DAB2: variants seen among roughly 807,000 people sequenced by gnomAD.
The protein encoded by DAB2 is disabled homolog 2.
In DAB2, 28 loss-of-function variants were observed where a neutral mutation model predicts 71.6. The observed-to-expected ratio is 0.39, with a 90% CI of 0.29 to 0.54. The LOEUF is 0.54. DAB2 is among the 20% of genes least tolerant of loss of function. The pLI is 0.68. For missense variants in DAB2, 867 were observed against 928.8 expected (o/e 0.93, Z 0.86); for synonymous variants, 345 against 339.7 (o/e 1.02, Z -0.17).
Position 39,376,636 on chromosome 5 carries a change from G to A in DAB2, c.2137+14C>T. 6.2e-7 allele frequency: 1 copy of A among 1,611,630 alleles called. No homozygotes were observed. The highest frequency in any genetic ancestry group is 8.5e-7 in the Non-Finnish European group (1 of 1,178,826). On this transcript the variant is annotated intron_variant, in intron 12 of 14. Transcript: ENST00000320816. ...TAGTTGTTGGAACAGTAGGCAGAGTGGTGAGTGGCTTACCATTGATCTTGT... is the reference window on the plus strand; with the variant it reads ...TAGTTGTTGGAACAGTAGGCAGAGTAGTGAGTGGCTTACCATTGATCTTGT...
In DAB2 at chr5:39,372,018, C is replaced by A. The variant is rs1579894135; in HGVS notation, c.*1413G>T. On this transcript the variant is annotated 3_prime_UTR_variant, in exon 15 of 15. Transcript: ENST00000320816. ...GCCCCTGTCTTGTTTAGCTTCTGAG[C>A]ATCACCCTCTTCTTCCCCCTCAAGG... The A allele has an allele frequency of 6.6e-6, 1 of 152,296 alleles. No individual in the cohort carries two copies. The highest frequency in any genetic ancestry group is 1.9e-4 in the East Asian group (1 of 5,190). The allele number at this position is 152,296 out of a possible 1,614,324, so 9.4% of individuals were successfully genotyped here. A position where few individuals can be genotyped will look rare whatever the true frequency, so the allele number is the denominator to read the frequency against.
intron 14 of DAB2, among the ~76,000 whole-genome samples, chr5:39,374,224 G>T (rs1163311639): frequency 6.6e-6 from 1 of 151,748 alleles, no homozygotes; most frequent in Non-Finnish European, 1.5e-5. Flanking sequence ...TGTTGTTGTT[G>T]TTTTTCATTA....
intron 1 of DAB2, among the ~76,000 whole-genome samples, chr5:39,418,761 C>A (rs1755906759): frequency 6.6e-6 from 1 of 152,126 alleles, no homozygotes; most frequent in Non-Finnish European, 1.5e-5. Context: ...ATTTAGCTTG[C>A]CTGATACTCA....
At chr5:39,413,729 A>G (rs1755782619) in intron 1 of DAB2, among the ~76,000 whole-genome samples, 1 of 152,212 alleles carries the variant, frequency 6.6e-6, no homozygotes, top group Admixed American at 6.5e-5. Context: ...CTTCTTATAC[A>G]TTTAGAATAA....
At chr5:39,401,020 G>T (rs546940874) in intron 1 of DAB2, among the ~76,000 whole-genome samples, 1 of 152,286 alleles carries the variant, frequency 6.6e-6, no homozygotes, top group Admixed American at 6.5e-5. Context: ...AAGAATAGGG[G>T]TCATTACCAG....
At chr5:39,383,992 C>A (rs879724408) in intron 9 of DAB2, among the ~76,000 whole-genome samples, 1 of 152,180 alleles carries the variant, frequency 6.6e-6, no homozygotes, top group Non-Finnish European at 1.5e-5. Flanking sequence ...CCCAGTCTCT[C>A]CTCTGGGCTT....
intron 1 of DAB2, among the ~76,000 whole-genome samples, chr5:39,395,114 ACCTCTGC>A (rs1755327933): frequency 6.6e-6 from 1 of 152,150 alleles, no homozygotes; most frequent in African/African-American, 2.4e-5. Flanking sequence ...TGCTCTCACA[ACCTCTGC>A]CCTACCCACA....
At chr5:39,408,059 T>C (rs1005722553) in intron 1 of DAB2, among the ~76,000 whole-genome samples, 1 of 152,230 alleles carries the variant, frequency 6.6e-6, no homozygotes, top group Non-Finnish European at 1.5e-5. Flanking sequence ...CCCATATTTA[T>C]ATAATCCTCA....
intron 3 of DAB2, 51 bp downstream of exon 3, chr5:39,393,203 T>C: frequency 2.6e-6 from 4 of 1,566,306 alleles, no homozygotes; most frequent in Non-Finnish European, 3.5e-6. Flanking sequence ...TATAATTCCC[T>C]CTCTTGGACT....
intron 1 of DAB2, 136 bp from the exon 2 acceptor site, chr5:39,394,557 C>G: frequency 2.0e-6 from 1 of 502,824 alleles, no homozygotes; most frequent in East Asian, 3.2e-5. Context: ...CTGTATTAGA[C>G]TGAAGACTGA....
chr5:39,389,574 C>T (rs1176877087), intron 6 of DAB2, among the ~76,000 whole-genome samples: 1 of 152,034 alleles, frequency 6.6e-6, no homozygotes, highest in Non-Finnish European at 1.5e-5. Context: ...GCAGTGGCAC[C>T]ATCTCGGCTG....
At chr5:39,386,065 C>T (rs1406206855) in intron 9 of DAB2, among the ~76,000 whole-genome samples, 1 of 152,200 alleles carries the variant, frequency 6.6e-6, no homozygotes, top group African/African-American at 2.4e-5. Flanking sequence ...ATTTAATCTC[C>T]TTGATCACAG....
chr5:39,414,641 C>T (rs1755807251), intron 1 of DAB2, among the ~76,000 whole-genome samples: 1 of 151,368 alleles, frequency 6.6e-6, no homozygotes, highest in East Asian at 1.9e-4. Context: ...CTGCCTTCCT[C>T]AGGCCCTGAG....
rs901530306 is a variant in DAB2, at chr5:39,382,970, G to A, written c.989C>T (p.Pro330Leu). The A allele has an allele frequency of 4.5e-5, 73 of 1,613,968 alleles. No homozygotes were observed. The highest frequency in any genetic ancestry group is 1.6e-4 in the Middle Eastern group (1 of 6,084). The part of the protein sequence containing the change: ...KKENSSSSST[P>L]LSNGPLNGDV... ...ACCATTCAGGGGCCCATTACTCAGCGGAGTAGACGAGCTACTCGAATTCTC... is the reference window on the plus strand; with the variant it reads ...ACCATTCAGGGGCCCATTACTCAGCAGAGTAGACGAGCTACTCGAATTCTC... The change falls in exon 10 of 15, where the codon CCG (proline) becomes CTG (leucine). Residue 330 changes from proline to leucine, a missense_variant. Pro to Leu is a moderately conservative substitution (Grantham distance 98, BLOSUM62 -3). This residue lies in a region of DAB2 where 740 missense variants were observed against 734.3 expected (regional missense o/e 1.01). Transcript: ENST00000320816.
chr5:39,423,075 T>C (rs183000088), intron 1 of DAB2, among the ~76,000 whole-genome samples: 66 of 152,320 alleles, frequency 4.3e-4, no homozygotes, highest in African/African-American at 1.6e-3. Context: ...CTACTTATTC[T>C]GGTTATACAT....
intron 5 of DAB2, 114 bp from the exon 6 acceptor site, chr5:39,390,046 A>G (rs942795486): frequency 1.5e-5 from 11 of 744,856 alleles, no homozygotes; most frequent in African/African-American, 1.5e-4. Flanking sequence ...AAAACGCCTT[A>G]CTACCCTCTG....
In DAB2 at chr5:39,372,153, T is replaced by C. The variant is rs1379084917; in HGVS notation, c.*1278A>G. 6.6e-6 allele frequency: 1 copy of C among 152,098 alleles called. No individual in the cohort carries two copies. Among genetic ancestry groups the C allele is most frequent in the Non-Finnish European group, 1.5e-5 (1 of 68,000 alleles). The allele number at this position is 152,098 out of a possible 1,614,324, so 9.4% of individuals were successfully genotyped here. A position where few individuals can be genotyped will look rare whatever the true frequency, so the allele number is the denominator to read the frequency against. On this transcript the variant is annotated 3_prime_UTR_variant, in exon 15 of 15. Transcript: ENST00000320816. The stretch of plus-strand genomic sequence containing the variant: ...AACAAAACAAAACTTATTTTGACAA[T>C]AATAAACCCTTCAGAACTGTGCTCA...
At chr5:39,407,619 T>C (rs190157718) in intron 1 of DAB2, among the ~76,000 whole-genome samples, 5 of 152,360 alleles carry the variant, frequency 3.3e-5, no homozygotes, top group Admixed American at 6.5e-5. Context: ...TAAGTCAACA[T>C]AGATGTGCAG....
chr5:39,391,547 T>C (rs773719258), intron 4 of DAB2, among the ~76,000 whole-genome samples: 4 of 152,040 alleles, frequency 2.6e-5, no homozygotes, highest in Non-Finnish European at 4.4e-5. Flanking sequence ...ATGGGCACTC[T>C]AGAAAGGGAT....
Sources: allele counts gnomAD v4.1 joint callset (sites outside exome capture counted in the v4.1 genomes callset), GRCh38; gene constraint gnomAD v4.1.1; regional missense constraint gnomAD v4.1.1; transcripts MANE v1.5; gene names NCBI Gene and HGNC (gene_info 2026-07-23, HGNC 2026-07-21).